TAF3: variants seen among roughly 807,000 people sequenced by gnomAD.
TAF3 encodes transcription initiation factor TFIID subunit 3.
Under a neutral mutation model 80.6 loss-of-function variants are expected in TAF3, and 7 were observed. That is an observed-to-expected ratio of 0.09 (90% CI 0.05 to 0.16). The LOEUF is 0.16. Ranked by LOEUF, TAF3 falls within the 10% of genes least tolerant of loss-of-function variation. The pLI is 1.00. For synonymous variants in TAF3, 444 were observed against 446.1 expected, an observed-to-expected ratio of 1.00 and a Z score of 0.06; for missense variants, 921 against 1,140.2, an observed-to-expected ratio of 0.81 and a Z score of 2.77.
intron 2 of TAF3, among the ~76,000 whole-genome samples, chr10:7,939,577 TACACACACACACACACACACACAC>T (rs71385681): frequency 1.4e-5 from 2 of 139,204 alleles, no homozygotes; most frequent in African/African-American, 2.7e-5. Context: ...AGAAGAAAAC[TACACACACACACACACACACACAC>T]ACACACACAC....
intron 2 of TAF3, among the ~76,000 whole-genome samples, chr10:7,825,729 T>C (rs1274327436): frequency 6.6e-6 from 1 of 152,258 alleles, no homozygotes; most frequent in Non-Finnish European, 1.5e-5. Context: ...CACATTTGTT[T>C]ATCCATTCAC....
At chr10:7,928,828 C>T (rs1485728687) in intron 2 of TAF3, among the ~76,000 whole-genome samples, 1 of 152,032 alleles carries the variant, frequency 6.6e-6, no homozygotes, top group Non-Finnish European at 1.5e-5. Context: ...TTCTGAAATA[C>T]CGAGACTTCT....
chr10:7,965,555 T>G lies in TAF3; in HGVS notation c.2045T>G (p.Leu682Trp), dbSNP rs1017870009. The stretch of plus-strand genomic sequence containing the variant: ...GTCCCAGCCATGCTGCCATCTTTGT[T>G]GCCAGTGCTTCCGGAAAAACTGTTT... ...SRVPAMLPSL[L>W]PVLPEKLFEE... Residue 682 changes from leucine to tryptophan, a missense_variant, in exon 3 of 7, where the codon TTG becomes TGG. By Grantham distance (61) the Leu-to-Trp change is moderately conservative. Transcript: ENST00000344293. 6.2e-7 allele frequency: 1 copy of G among 1,600,568 alleles called. No homozygotes were observed. Among genetic ancestry groups the G allele is most frequent in the Non-Finnish European group, 8.5e-7 (1 of 1,176,906 alleles).
At chr10:7,891,251 TCA>T (rs2131163272) in intron 2 of TAF3, among the ~76,000 whole-genome samples, 1 of 152,376 alleles carries the variant, frequency 6.6e-6, no homozygotes, top group Non-Finnish European at 1.5e-5. Context: ...TGAGTCTGTT[TCA>T]GCCTTCATCT....
intron 2 of TAF3, among the ~76,000 whole-genome samples, chr10:7,960,753 A>G (rs913938838): frequency 6.6e-6 from 1 of 152,178 alleles, no homozygotes; most frequent in African/African-American, 2.4e-5. Context: ...TTTTCCTCCA[A>G]TTTCCCAGAT....
At chr10:7,832,973 A>T (rs1256790170) in intron 2 of TAF3, among the ~76,000 whole-genome samples, 5 of 152,180 alleles carry the variant, frequency 3.3e-5, no homozygotes, top group Admixed American at 3.3e-4. Context: ...AGGCAGGAGG[A>T]TGATTTGAGG....
At chr10:8,003,774 A>C (rs1275473687) in intron 4 of TAF3, among the ~76,000 whole-genome samples, 1 of 152,182 alleles carries the variant, frequency 6.6e-6, no homozygotes, top group Non-Finnish European at 1.5e-5. Context: ...GGCCAGGCAC[A>C]GTGGCATGCG....
chr10:7,839,864 G>A (rs761169197), intron 2 of TAF3, among the ~76,000 whole-genome samples: 15 of 152,294 alleles, frequency 9.8e-5, no homozygotes, highest in Non-Finnish European at 2.2e-4. Context: ...AAGATTTAGC[G>A]CCTCAGCGGA....
At chr10:7,842,169 T>G (rs1331724224) in intron 2 of TAF3, among the ~76,000 whole-genome samples, 11 of 95,322 alleles carry the variant, frequency 1.2e-4, no homozygotes, top group South Asian at 8.3e-4. Flanking sequence ...TTTTTGTTTT[T>G]TTTTTTGTTT....
At chr10:7,905,775 C>G (rs911317013) in intron 2 of TAF3, among the ~76,000 whole-genome samples, 1 of 151,774 alleles carries the variant, frequency 6.6e-6, no homozygotes, top group Admixed American at 6.6e-5. Flanking sequence ...CCCAGCTACT[C>G]GGGAGACTGA....
At chr10:7,871,435 CTTTTTTTTTT>C (rs527356726) in intron 2 of TAF3, among the ~76,000 whole-genome samples, 8 of 69,114 alleles carry the variant, frequency 1.2e-4, no homozygotes, top group African/African-American at 1.5e-4. Context: ...ATAACTGCTG[CTTTTTTTTTT>C]TTTTTTTTTT....
chr10:7,843,027 T>C (rs1836933917), intron 2 of TAF3, among the ~76,000 whole-genome samples: 1 of 152,254 alleles, frequency 6.6e-6, no homozygotes, highest in South Asian at 2.1e-4. Flanking sequence ...GGGCGTAGTC[T>C]GTGTCTGTCT....
rs953215925 is a variant in TAF3 at position 7,818,640 on chromosome 10, C to G, written c.-70C>G. On this transcript the variant is annotated 5_prime_UTR_variant, in exon 1 of 7. Coordinates refer to ENST00000344293, the MANE Select transcript of TAF3 (RefSeq NM_031923.4). ...AAGCCCTAGAGGATGAATCGGGGAC[C>G]CTGCTAAGGTCTGGCGGCGGGGCTG... 5.9e-6 allele frequency: 9 copies of G among 1,518,974 alleles called. No homozygotes were observed. In the African/African-American group the frequency reaches 7.2e-5, roughly 12 times the overall value. The allele number at this position is 1,518,974 out of a possible 1,614,324, so 94.1% of individuals were successfully genotyped here.
chr10:7,836,346 A>G (rs2131109710), intron 2 of TAF3, among the ~76,000 whole-genome samples: 1 of 150,946 alleles, frequency 6.6e-6, no homozygotes, highest in African/African-American at 2.4e-5. Flanking sequence ...GCTGGAGTAC[A>G]ATGGCACAAC....
At chr10:7,889,395 T>C (rs1837438575) in intron 2 of TAF3, among the ~76,000 whole-genome samples, 1 of 152,214 alleles carries the variant, frequency 6.6e-6, no homozygotes, top group Non-Finnish European at 1.5e-5. Flanking sequence ...CATTTAATCT[T>C]CACAACAACC....
At chr10:7,935,645 G>T (rs1375421649) in intron 2 of TAF3, among the ~76,000 whole-genome samples, 1 of 152,118 alleles carries the variant, frequency 6.6e-6, no homozygotes, top group Non-Finnish European at 1.5e-5. Flanking sequence ...GAATACTGGG[G>T]GGTTCATATT....
chr10:7,967,750 G>A (rs1169554196), intron 3 of TAF3, among the ~76,000 whole-genome samples: 2 of 152,188 alleles, frequency 1.3e-5, no homozygotes, highest in African/African-American at 4.8e-5. Flanking sequence ...GATGGAGAGA[G>A]TGTTCCATTC....
chr10:7,947,511 C>T (rs1045217504), intron 2 of TAF3, among the ~76,000 whole-genome samples: 5 of 152,064 alleles, frequency 3.3e-5, no homozygotes, highest in Admixed American at 1.3e-4. Flanking sequence ...TACTGGGAGG[C>T]GAGTTGATTG....
At chr10:7,867,697 G>A (rs1171313675) in intron 2 of TAF3, among the ~76,000 whole-genome samples, 2 of 152,202 alleles carry the variant, frequency 1.3e-5, no homozygotes, top group East Asian at 1.9e-4. Context: ...GCTTTGAATA[G>A]GAAGCAAGAT....
Sources: allele counts gnomAD v4.1 joint callset (sites outside exome capture counted in the v4.1 genomes callset), GRCh38; gene constraint gnomAD v4.1.1; transcripts MANE v1.5; gene names NCBI Gene and HGNC (gene_info 2026-07-23, HGNC 2026-07-21).